RHOH: variants seen among roughly 807,000 people sequenced by gnomAD.
The protein encoded by RHOH is rho-related GTP-binding protein RhoH.
Under a neutral mutation model 13.8 loss-of-function variants are expected in RHOH, and 6 were observed. The observed-to-expected ratio is 0.44, with a 90% CI of 0.24 to 0.86. RHOH has a LOEUF of 0.86. RHOH is among the 40% of genes least tolerant of loss of function. The pLI is 0.24. For missense variants in RHOH, 147 were observed against 244.5 expected (o/e 0.60, Z 2.66); for synonymous variants, 117 against 103.0 (o/e 1.14, Z -0.82).
At chr4:40,235,173 G>T (rs1027088571) in intron 1 of RHOH, 4 of 152,144 alleles carry the variant, frequency 2.6e-5, no homozygotes, top group African/African-American at 9.7e-5. Context: ...GCTTTTTATT[G>T]AAGTTTTATC....
rs1368252140 is a variant in RHOH, at chr4:40,243,054, G to A, written c.-209-124G>A. The A allele has an allele frequency of 1.6e-5, 4 of 254,310 alleles. No individual in the cohort carries two copies. The highest frequency in any genetic ancestry group is 7.6e-6 in the Non-Finnish European group (1 of 132,032). 15.8% of individuals were successfully genotyped at this position (254,310 alleles called of 1,614,324 possible). On this transcript the variant is annotated intron_variant, in intron 2 of 2. Coordinates refer to ENST00000381799, the MANE Select transcript of RHOH (RefSeq NM_004310.5). The surrounding 1 kb of genome is among the most constrained non-coding windows in gnomAD (Gnocchi z 6.2). Reference sequence around the variant, plus strand: ...GGGGAAGAGTGGATTGCACAAGCGGGGTTGGATGGCTACACTGAGATTACC... The same window carrying A: ...GGGGAAGAGTGGATTGCACAAGCGGAGTTGGATGGCTACACTGAGATTACC...
At chr4:40,212,383 A>G (rs1316512581) in intron 1 of RHOH, among the ~76,000 whole-genome samples, 7 of 152,216 alleles carry the variant, frequency 4.6e-5, no homozygotes, top group African/African-American at 1.7e-4. Context: ...GAGAGTTCAG[A>G]TTAATGTCAC....
At chr4:40,229,991 A>T (rs1727710348) in intron 1 of RHOH, among the ~76,000 whole-genome samples, 1 of 152,212 alleles carries the variant, frequency 6.6e-6, no homozygotes, top group Non-Finnish European at 1.5e-5. Flanking sequence ...CTTAAATGTC[A>T]TCTAATACCC....
At chr4:40,200,500 G>A (rs567829203) in intron 1 of RHOH, 136 of 152,284 alleles carry the variant, frequency 8.9e-4, no homozygotes, top group African/African-American at 3.2e-3. Flanking sequence ...TTGGAAAGTG[G>A]TCGTTTTGCA....
chr4:40,240,711 A>T (rs1251499436), intron 1 of RHOH, among the ~76,000 whole-genome samples: 1 of 152,168 alleles, frequency 6.6e-6, no homozygotes, highest in Non-Finnish European at 1.5e-5. Flanking sequence ...CAGGAGGCAG[A>T]GGTTGCAGTG....
chr4:40,223,469 T>A (rs1399516062), intron 1 of RHOH, among the ~76,000 whole-genome samples: 1 of 135,984 alleles, frequency 7.4e-6, no homozygotes, highest in Non-Finnish European at 1.6e-5. Context: ...TTGTTAGCTT[T>A]TTTTTTTTTT....
At position 40,243,764 on chromosome 4, in the gene RHOH, C is replaced by T; in HGVS notation, c.378C>T (p.His126=). The change falls in exon 3 of 3, where the codon CAC becomes CAT. Residue 126 remains histidine (H), a synonymous_variant. Coordinates refer to ENST00000381799, the MANE Select transcript of RHOH (RefSeq NM_004310.5). The surrounding 1 kb of genome is among the most constrained non-coding windows in gnomAD (Gnocchi z 6.2). ...TQTDQREMGP[H]RASCVNAMEG... ...CTGACCAGCGGGAGATGGGGCCCCA[C>T]AGGGCCTCCTGCGTCAATGCCATGG... 1 of 1,614,080 alleles carries T rather than the reference C, an allele frequency of 6.2e-7. No individual in the cohort carries two copies.
At position 40,243,386 on chromosome 4, in the gene RHOH, G is replaced by T; in HGVS notation, c.-1G>T. ...TCAGAGTAGGACAGCAGGCTGGGAA[G>T]ATGCTGAGTTCCATCAAGTGCGTGT... On this transcript the variant is annotated 5_prime_UTR_variant, in exon 3 of 3. Transcript: ENST00000381799. This position sits in a 1 kb window ranked among gnomAD's most constrained non-coding sequence, Gnocchi z 6.2. 1 of 1,576,406 alleles carries T rather than the reference G, an allele frequency of 6.3e-7. No homozygotes were observed. The highest frequency in any genetic ancestry group is 8.6e-7 in the Non-Finnish European group (1 of 1,159,156).
intron 1 of RHOH, among the ~76,000 whole-genome samples, chr4:40,227,765 G>A (rs1341364494): frequency 6.6e-6 from 1 of 152,016 alleles, no homozygotes; most frequent in Non-Finnish European, 1.5e-5. Context: ...TGGAAAAGTA[G>A]GTAAAACTGA....
intron 1 of RHOH, among the ~76,000 whole-genome samples, chr4:40,219,915 A>T (rs1250727591): frequency 6.6e-6 from 1 of 152,176 alleles, no homozygotes; most frequent in Non-Finnish European, 1.5e-5. Context: ...TATTATATGC[A>T]TTCGTACTTA....
At chr4:40,210,898 C>G (rs770031153) in intron 1 of RHOH, among the ~76,000 whole-genome samples, 76 of 152,096 alleles carry the variant, frequency 5.0e-4, no homozygotes, top group Non-Finnish European at 8.1e-4. Context: ...TAAAAATGCT[C>G]TTAGGGAGAT....
At chr4:40,213,849 C>T (rs943495758) in intron 1 of RHOH, among the ~76,000 whole-genome samples, 2 of 152,158 alleles carry the variant, frequency 1.3e-5, no homozygotes, top group African/African-American at 4.8e-5. Flanking sequence ...CTTCCGCCTC[C>T]CAGGTTTAAG....
chr4:40,232,245 G>C (rs1728029115), intron 1 of RHOH, among the ~76,000 whole-genome samples: 1 of 152,090 alleles, frequency 6.6e-6, no homozygotes, highest in South Asian at 2.1e-4. Flanking sequence ...TATTTTTTGA[G>C]ACAGGGTCTT....
At chr4:40,211,608 T>A (rs1047919295) in intron 1 of RHOH, among the ~76,000 whole-genome samples, 3 of 152,156 alleles carry the variant, frequency 2.0e-5, no homozygotes, top group Admixed American at 6.5e-5. Flanking sequence ...ATAGGTGATG[T>A]CTTGGGGGTA....
intron 1 of RHOH, among the ~76,000 whole-genome samples, chr4:40,215,638 G>A (rs1725782778): frequency 6.6e-6 from 1 of 152,184 alleles, no homozygotes; most frequent in Admixed American, 6.5e-5. Context: ...TAAAATATAT[G>A]TATTGGGAAG....
chr4:40,221,278 GA>G (rs1726537641), intron 1 of RHOH, among the ~76,000 whole-genome samples: 1 of 152,146 alleles, frequency 6.6e-6, no homozygotes, highest in Non-Finnish European at 1.5e-5. Context: ...TACATAAATG[GA>G]AAACCCTTCC....
intron 1 of RHOH, among the ~76,000 whole-genome samples, chr4:40,220,534 C>T (rs987967850): frequency 6.6e-6 from 1 of 151,872 alleles, no homozygotes; most frequent in Non-Finnish European, 1.5e-5. Flanking sequence ...GTGGCCATTG[C>T]ATGACCTCTC....
At chr4:40,199,848 C>T (rs970847740) in intron 1 of RHOH, among the ~76,000 whole-genome samples, 2 of 152,140 alleles carry the variant, frequency 1.3e-5, no homozygotes, top group East Asian at 3.8e-4. Flanking sequence ...ATCCTCCTTC[C>T]CCATTCCACT....
chr4:40,213,158 G>C lies in RHOH; in HGVS notation c.-331+15858G>C, dbSNP rs1180603396. 2.0e-5 allele frequency among the ~76,000 whole-genome samples: 3 copies of C among 152,078 alleles called. No homozygotes were observed. In the East Asian group the frequency reaches 5.8e-4, roughly 29 times the overall value. On this transcript the variant is annotated intron_variant, in intron 1 of 2. Coordinates refer to ENST00000381799, the MANE Select transcript of RHOH (RefSeq NM_004310.5). ...GAATATCATTAAAAGAGGGAGAAGG[G>C]AAAACAGACTTTTTGTGTGGTACAA...
Sources: allele counts gnomAD v4.1 joint callset (sites outside exome capture counted in the v4.1 genomes callset), GRCh38; gene constraint gnomAD v4.1.1; non-coding constraint Gnocchi (gnomAD v3.1); transcripts MANE v1.5; gene names NCBI Gene and HGNC (gene_info 2026-07-23, HGNC 2026-07-21).